CEP128: variants seen among roughly 807,000 people sequenced by gnomAD.
CEP128 encodes centrosomal protein 128kDa.
Under a neutral mutation model 156.7 loss-of-function variants are expected in CEP128, and 132 were observed. That is an observed-to-expected ratio of 0.84 (90% confidence interval 0.73 to 0.97). CEP128 has a LOEUF of 0.97. Ranked by LOEUF, CEP128 falls within the 50% of genes least tolerant of loss-of-function variation. CEP128 has a pLI of 0.00. For synonymous variants in CEP128, 469 were observed against 448.9 expected, an observed-to-expected ratio of 1.04 and a Z score of -0.57; for missense variants, 1,252 against 1,281.9, an observed-to-expected ratio of 0.98 and a Z score of 0.36.
intron 2 of CEP128, among the ~76,000 whole-genome samples, chr14:80,921,163 T>C (rs751512300): frequency 2.6e-5 from 4 of 152,192 alleles, no homozygotes; most frequent in Non-Finnish European, 4.4e-5. Flanking sequence ...TATGTGTATA[T>C]AAATTACCAG....
At chr14:80,744,827 A>G (rs908438532) in intron 18 of CEP128, among the ~76,000 whole-genome samples, 12 of 152,074 alleles carry the variant, frequency 7.9e-5, no homozygotes, top group South Asian at 2.1e-4. Flanking sequence ...TGCTCCCCCA[A>G]TGTGCCACTG....
At chr14:80,678,948 C>T (rs941439383) in intron 19 of CEP128, among the ~76,000 whole-genome samples, 1 of 152,162 alleles carries the variant, frequency 6.6e-6, no homozygotes, top group African/African-American at 2.4e-5. Context: ...AAAATTAATA[C>T]TTTTATAATT....
intron 17 of CEP128, among the ~76,000 whole-genome samples, chr14:80,758,865 T>G (rs1899812024): frequency 6.6e-6 from 1 of 152,210 alleles, no homozygotes; most frequent in Non-Finnish European, 1.5e-5. Context: ...ACTGGGGACA[T>G]GAACTCTTAG....
chr14:80,811,666 T>C (rs1386659089), intron 13 of CEP128, among the ~76,000 whole-genome samples: 1 of 142,518 alleles, frequency 7.0e-6, no homozygotes, highest in Non-Finnish European at 1.5e-5. Flanking sequence ...TATGTGTGTG[T>C]GTACAGACAT....
intron 23 of CEP128, among the ~76,000 whole-genome samples, chr14:80,515,872 C>A (rs554002823): frequency 6.6e-6 from 1 of 152,086 alleles, no homozygotes; most frequent in Admixed American, 6.5e-5. Flanking sequence ...GTACCACTTA[C>A]GTTTTTTCTT....
intron 19 of CEP128, among the ~76,000 whole-genome samples, chr14:80,738,437 A>G (rs1898644463): frequency 6.6e-6 from 1 of 152,220 alleles, no homozygotes; most frequent in Admixed American, 6.5e-5. Context: ...ACCATTAAAA[A>G]GTTGAGAACA....
intron 19 of CEP128, among the ~76,000 whole-genome samples, chr14:80,585,016 C>T (rs544976155): frequency 6.6e-6 from 1 of 152,342 alleles, no homozygotes; most frequent in Non-Finnish European, 1.5e-5. Context: ...AATTTGCTTC[C>T]ATCAACATTA....
chr14:80,668,669 A>G (rs1228384811), intron 19 of CEP128, among the ~76,000 whole-genome samples: 1 of 152,194 alleles, frequency 6.6e-6, no homozygotes, highest in Non-Finnish European at 1.5e-5. Flanking sequence ...TTTAAAAATT[A>G]CAGAAAATTT....
At chr14:80,515,774 G>A (rs377748439) in intron 23 of CEP128, among the ~76,000 whole-genome samples, 36 of 152,222 alleles carry the variant, frequency 2.4e-4, no homozygotes, top group African/African-American at 8.7e-4. Flanking sequence ...CTTTCCCTGT[G>A]ACACCTACAG....
chr14:80,599,921 T>A (rs1892510483), intron 19 of CEP128, among the ~76,000 whole-genome samples: 1 of 152,086 alleles, frequency 6.6e-6, no homozygotes, highest in Non-Finnish European at 1.5e-5. Context: ...AGTAGCAGAT[T>A]TGAGCAGGCA....
chr14:80,873,270 G>A (rs1470346690), intron 8 of CEP128, among the ~76,000 whole-genome samples: 1 of 152,204 alleles, frequency 6.6e-6, no homozygotes, highest in East Asian at 1.9e-4. Context: ...AGTCATTCTT[G>A]ATGCATGGCA....
chr14:80,791,840 ATC>A (rs1386997184), intron 14 of CEP128, among the ~76,000 whole-genome samples: 2 of 152,226 alleles, frequency 1.3e-5, no homozygotes, highest in African/African-American at 4.8e-5. Flanking sequence ...TGAAATAAGT[ATC>A]TGTCACTCTT....
At chr14:80,811,783 G>A (rs918909012) in intron 13 of CEP128, among the ~76,000 whole-genome samples, 6 of 141,114 alleles carry the variant, frequency 4.3e-5, no homozygotes, top group African/African-American at 1.7e-4. Context: ...TCTCTCTTCT[G>A]CGTCTGTGTG....
At position 80,645,647 on chromosome 14, in the gene CEP128, A is replaced by T. The variant is rs147753508; in HGVS notation, c.2807-65224T>A. On this transcript the variant is annotated intron_variant, in intron 19 of 24. Coordinates refer to ENST00000555265, the MANE Select transcript of CEP128 (RefSeq NM_152446.5). ...AATACAAGGTGATATAGGCATTTTG[A>T]AAGATAGTTTGTCAGTTTCTTACAA... 1.8e-3 allele frequency among the ~76,000 whole-genome samples: 274 copies of T among 152,274 alleles called. 1 individual carries two copies. The highest frequency in any genetic ancestry group is 3.0e-3 in the Non-Finnish European group (207 of 67,986).
At chr14:80,919,495 C>T (rs1884735704) in intron 2 of CEP128, among the ~76,000 whole-genome samples, 1 of 152,130 alleles carries the variant, frequency 6.6e-6, no homozygotes, top group Non-Finnish European at 1.5e-5. Flanking sequence ...CCCAGTACTA[C>T]TCCTGCCCCA....
chr14:80,564,943 CAGCTACT>C (rs1357693185), intron 20 of CEP128, among the ~76,000 whole-genome samples: 1 of 152,052 alleles, frequency 6.6e-6, no homozygotes, highest in Non-Finnish European at 1.5e-5. Flanking sequence ...CCTGTAATCC[CAGCTACT>C]AGGGAGGCTG....
downstream of CEP128, among the ~76,000 whole-genome samples, chr14:80,487,388 G>A (rs1330820157): frequency 1.3e-5 from 2 of 152,136 alleles, no homozygotes; most frequent in East Asian, 3.9e-4. Context: ...AGTCCTTAGT[G>A]ACCTACAAAG....
At chr14:80,633,705 A>G (rs796888472) in intron 19 of CEP128, among the ~76,000 whole-genome samples, 9 of 152,314 alleles carry the variant, frequency 5.9e-5, no homozygotes, top group African/African-American at 2.2e-4. Context: ...TGGGGATCAG[A>G]CTTATCTCAT....
chr14:80,525,795 T>C (rs1262635346), intron 23 of CEP128, among the ~76,000 whole-genome samples: 5 of 152,222 alleles, frequency 3.3e-5, no homozygotes, highest in Non-Finnish European at 7.3e-5. Context: ...ATAATACTCA[T>C]TTTAAGCATG....
Sources: gnomAD v4.1 joint callset for allele counts (sites outside exome capture counted in the v4.1 genomes callset) on GRCh38, gnomAD v4.1.1 for gene constraint, MANE v1.5 for transcripts, NCBI Gene and HGNC (gene_info 2026-07-23, HGNC 2026-07-21) for gene names.